Variants in CNTNAP2 observed in about 807,000 individuals in gnomAD.
The protein encoded by CNTNAP2 is contactin-associated protein-like 2.
Under a neutral mutation model 155.2 loss-of-function variants are expected in CNTNAP2, and 98 were observed. The ratio of observed to expected loss-of-function variants is 0.63; its 90% CI spans 0.54 to 0.75. The LOEUF (loss-of-function observed/expected upper bound fraction) is 0.75. CNTNAP2 is among the 30% of genes least tolerant of loss of function. CNTNAP2 has a pLI of 0.00. For synonymous variants in CNTNAP2, 651 were observed against 631.2 expected (o/e 1.03, Z -0.47); for missense variants, 1,727 against 1,688.1 (o/e 1.02, Z -0.40).
At chr7:147,318,565 A>G (rs1163780084) in intron 9 of CNTNAP2, among the ~76,000 whole-genome samples, 1 of 152,146 alleles carries the variant, frequency 6.6e-6, no homozygotes, top group African/African-American at 2.4e-5. Flanking sequence ...AAACACAGGA[A>G]CAGAAAACCA....
chr7:147,297,908 C>T lies in CNTNAP2; in HGVS notation c.1349-2233C>T, dbSNP rs150228128. Reference sequence around the variant, plus strand: ...GGAGTGCAGATATCTCTTCCGTGTACGTATTTTCTTCCTTTTGGGTATATA... The same window carrying T: ...GGAGTGCAGATATCTCTTCCGTGTATGTATTTTCTTCCTTTTGGGTATATA... On this transcript the variant is annotated intron_variant, in intron 8 of 23. Transcript: ENST00000361727. Among the ~76,000 whole-genome samples the T allele has an allele frequency of 6.3e-4, 96 of 152,232 alleles. 1 individual carries two copies. The highest frequency in any genetic ancestry group is 2.1e-3 in the African/African-American group (88 of 41,532).
rs566073685 is a variant in CNTNAP2 at position 146,255,028 on chromosome 7, A to AG, written c.97+138055_97+138056insG. Among the ~76,000 whole-genome samples the AG allele has an allele frequency of 1.2e-3, 177 of 152,138 alleles. 2 individuals are homozygous for AG. Among genetic ancestry groups the AG allele is most frequent in the Middle Eastern group, 6.8e-3 (2 of 294 alleles). On this transcript the variant is annotated intron_variant, in intron 1 of 23. Coordinates refer to ENST00000361727, the MANE Select transcript of CNTNAP2 (RefSeq NM_014141.6). ...TTCTAGTAGAAAGTTGAAAAAAAAA[A>AG]TGAGACTCAAGGGAGACTGTTAGTG...
intron 13 of CNTNAP2, among the ~76,000 whole-genome samples, chr7:147,751,978 T>A (rs1797143220): frequency 6.6e-6 from 1 of 152,184 alleles, no homozygotes; most frequent in African/African-American, 2.4e-5. Context: ...CGAGCTGGAA[T>A]CTACACACAG....
At position 146,464,815 on chromosome 7, in the gene CNTNAP2, A is replaced by C. The variant is rs147170673; in HGVS notation, c.98-309456A>C. On this transcript the variant is annotated intron_variant, in intron 1 of 23. Transcript: ENST00000361727. ...AATGTTAAGAAAAAGTTGTTTCCAG[A>C]TTGGCTGGGCAAGCGGGAATGAATT... 2.0e-5 allele frequency among the ~76,000 whole-genome samples: 3 copies of C among 152,262 alleles called. No individual in the cohort carries two copies. In the East Asian group the frequency reaches 5.8e-4, roughly 29 times the overall value.
rs139796126 is a variant in CNTNAP2, at chr7:147,582,292, C to A, written c.1897+20035C>A. On this transcript the variant is annotated intron_variant, in intron 12 of 23. Coordinates refer to ENST00000361727, the MANE Select transcript of CNTNAP2 (RefSeq NM_014141.6). ...GATCATACTGTATAGGTTCACTTTA[C>A]TAAAATGTAATCTCTGTTTCAACAA... Among the ~76,000 whole-genome samples the A allele has an allele frequency of 3.7e-3, 562 of 152,190 alleles. 2 individuals carry two copies. The highest frequency in any genetic ancestry group is 0.012 in the African/African-American group (515 of 41,528).
At chr7:147,712,638 G>A (rs548161769) in intron 13 of CNTNAP2, among the ~76,000 whole-genome samples, 100 of 152,092 alleles carry the variant, frequency 6.6e-4, no homozygotes, top group African/African-American at 1.9e-3. Context: ...GCAAACTATC[G>A]CAAGGACAAA....
In CNTNAP2 at chr7:146,118,212, C is replaced by A. The variant is rs1797514771; in HGVS notation, c.97+1239C>A. ...AGTATTACTGTTTTGACATATCTTC[C>A]TAAGTACAGTATTAGCTTTTCTTTT... On this transcript the variant is annotated intron_variant, in intron 1 of 23. Transcript: ENST00000361727. Among the ~76,000 whole-genome samples the A allele has an allele frequency of 2.0e-5, 3 of 152,022 alleles. 1 individual carries two copies. The South Asian group carries it at 6.2e-4, about 32-fold the overall frequency.
At chr7:148,224,930 C>G (rs1398321577) in intron 19 of CNTNAP2, among the ~76,000 whole-genome samples, 1 of 152,174 alleles carries the variant, frequency 6.6e-6, no homozygotes, top group Non-Finnish European at 1.5e-5. Flanking sequence ...GAGGTAACCA[C>G]CCTCATGATT....
intron 1 of CNTNAP2, among the ~76,000 whole-genome samples, chr7:146,205,699 T>A (rs1798934763): frequency 6.6e-6 from 1 of 151,914 alleles, no homozygotes. Context: ...AATTTTACAT[T>A]TGAATGAATC....
rs751563396 is a variant in CNTNAP2 at position 146,605,098 on chromosome 7, AG to A, written c.98-169172del. Among the ~76,000 whole-genome samples the A allele has an allele frequency of 9.3e-4, 138 of 147,642 alleles. 2 individuals carry two copies. The highest frequency in any genetic ancestry group is 3.3e-3 in the African/African-American group (133 of 40,364). ...ATAAAAAAAAACAACAAAAAAAAAA[AG>A]AAAAAAAAATACTGCAATATCTTCC... On this transcript the variant is annotated intron_variant, in intron 1 of 23. Coordinates refer to ENST00000361727, the MANE Select transcript of CNTNAP2 (RefSeq NM_014141.6).
intron 20 of CNTNAP2, among the ~76,000 whole-genome samples, chr7:148,260,128 T>C (rs1796532802): frequency 6.6e-6 from 1 of 152,218 alleles, no homozygotes; most frequent in Non-Finnish European, 1.5e-5. Flanking sequence ...TGAAATCATA[T>C]AATATGTCAT....
intron 14 of CNTNAP2, among the ~76,000 whole-genome samples, chr7:147,954,928 T>C (rs1273512212): frequency 6.6e-6 from 1 of 152,220 alleles, no homozygotes; most frequent in Non-Finnish European, 1.5e-5. Context: ...GATATTTTTC[T>C]TCCCTTTCAC....
intron 15 of CNTNAP2, among the ~76,000 whole-genome samples, chr7:148,082,717 T>G (rs1019701723): frequency 1.3e-5 from 2 of 152,116 alleles, no homozygotes; most frequent in Non-Finnish European, 2.9e-5. Context: ...TCTCACTCTG[T>G]CACCAGCGTG....
intron 21 of CNTNAP2, among the ~76,000 whole-genome samples, chr7:148,286,771 C>G (rs1003752694): frequency 9.9e-5 from 15 of 152,124 alleles, no homozygotes; most frequent in Non-Finnish European, 1.5e-4. Context: ...AACTTTACAG[C>G]CTTTTCAATT....
intron 1 of CNTNAP2, among the ~76,000 whole-genome samples, chr7:146,733,636 T>G (rs1801564557): frequency 6.6e-6 from 1 of 152,078 alleles, no homozygotes; most frequent in Non-Finnish European, 1.5e-5. Context: ...ATTTAAAAAG[T>G]TGCTGCTTGC....
intron 17 of CNTNAP2, among the ~76,000 whole-genome samples, chr7:148,165,327 A>G (rs1228557808): frequency 6.6e-6 from 1 of 152,144 alleles, no homozygotes; most frequent in Non-Finnish European, 1.5e-5. Context: ...GCCTCATTTA[A>G]TGTTAAGTAC....
At chr7:148,117,525 T>G (rs1373111481) in intron 15 of CNTNAP2, among the ~76,000 whole-genome samples, 1 of 152,200 alleles carries the variant, frequency 6.6e-6, no homozygotes, top group Non-Finnish European at 1.5e-5. Flanking sequence ...GCACTGGCTC[T>G]TCCAAGGCAG....
At chr7:146,757,123 G>A (rs1278722264) in intron 1 of CNTNAP2, among the ~76,000 whole-genome samples, 3 of 152,072 alleles carry the variant, frequency 2.0e-5, no homozygotes, top group Non-Finnish European at 4.4e-5. Context: ...GAACAAATGC[G>A]ATGACATAAG....
At chr7:146,900,465 C>T (rs1420764365) in intron 3 of CNTNAP2, among the ~76,000 whole-genome samples, 2 of 152,180 alleles carry the variant, frequency 1.3e-5, no homozygotes, top group Non-Finnish European at 2.9e-5. Flanking sequence ...CACAGCTTCA[C>T]CCCATCCCCA....
Sources: gnomAD v4.1 joint callset for allele counts (sites outside exome capture counted in the v4.1 genomes callset) on GRCh38, gnomAD v4.1.1 for gene constraint, MANE v1.5 for transcripts, NCBI Gene and HGNC (gene_info 2026-07-23, HGNC 2026-07-21) for gene names.